Variants in WDR43 observed in about 807,000 individuals in gnomAD.
WDR43 encodes WD repeat domain 43.
WDR43 carries 13 observed loss-of-function variants against 91.4 expected under a neutral mutation model. The ratio of observed to expected loss-of-function variants is 0.14; its 90% CI spans 0.09 to 0.23. WDR43 has a LOEUF of 0.23. Ranked by LOEUF, WDR43 falls within the 10% of genes least tolerant of loss-of-function variation. WDR43 has a pLI of 1.00. For missense variants in WDR43, 780 were observed against 809.4 expected (o/e 0.96, Z 0.44); for synonymous variants, 331 against 287.9 (o/e 1.15, Z -1.51).
At chr2:28,935,166 A>G (rs1671315587) in intron 11 of WDR43, among the ~76,000 whole-genome samples, 1 of 152,194 alleles carries the variant, frequency 6.6e-6, no homozygotes, top group African/African-American at 2.4e-5. Context: ...TGCTCACTCT[A>G]GGGTGGATAC....
chr2:28,910,673 G>T (rs1366130522), intron 3 of WDR43, among the ~76,000 whole-genome samples: 1 of 85,016 alleles, frequency 1.2e-5, no homozygotes, highest in African/African-American at 3.5e-5. Context: ...GCGTGTGTGT[G>T]TGTAAATATA....
chr2:28,940,794 A>G (rs944547884), intron 14 of WDR43, among the ~76,000 whole-genome samples: 1 of 152,236 alleles, frequency 6.6e-6, no homozygotes, highest in Non-Finnish European at 1.5e-5. Flanking sequence ...TTTATTCCTC[A>G]GTGAACCTGG....
intron 11 of WDR43, among the ~76,000 whole-genome samples, chr2:28,934,514 C>G (rs1439941383): frequency 6.6e-6 from 1 of 152,178 alleles, no homozygotes; most frequent in East Asian, 1.9e-4. Context: ...AGGTTTGTTT[C>G]TTTACATACA....
At chr2:28,894,978 C>A in intron 1 of WDR43, 55 bp downstream of exon 1, 1 of 1,440,744 alleles carries the variant, frequency 6.9e-7, no homozygotes, top group South Asian at 1.4e-5. Flanking sequence ...GGCTTCGGGC[C>A]TCCGGGCCGG....
intron 6 of WDR43, among the ~76,000 whole-genome samples, chr2:28,919,388 G>A (rs1670977892): frequency 6.6e-6 from 1 of 152,220 alleles, no homozygotes; most frequent in African/African-American, 2.4e-5. Context: ...AGTAGTAGGG[G>A]CTGGGCGCTG....
chr2:28,941,954 G>C (rs1218548997), intron 15 of WDR43, among the ~76,000 whole-genome samples: 1 of 152,146 alleles, frequency 6.6e-6, no homozygotes, highest in Non-Finnish European at 1.5e-5. Flanking sequence ...AACTTGGAAA[G>C]CTTATCAGTT....
intron 12 of WDR43, among the ~76,000 whole-genome samples, chr2:28,936,547 A>G (rs1275544627): frequency 2.0e-5 from 3 of 152,184 alleles, no homozygotes; most frequent in Non-Finnish European, 4.4e-5. Flanking sequence ...CATAAAATTT[A>G]ACTCTTTTAA....
intron 5 of WDR43, among the ~76,000 whole-genome samples, chr2:28,915,906 C>G (rs1026462573): frequency 6.6e-6 from 1 of 152,162 alleles, no homozygotes; most frequent in Admixed American, 6.6e-5. Flanking sequence ...TATAATTTAT[C>G]AGATCAACTC....
At chr2:28,942,438 C>T in intron 16 of WDR43, 57 bp downstream of exon 16, 19 of 1,548,222 alleles carry the variant, frequency 1.2e-5, no homozygotes, top group Non-Finnish European at 1.7e-5. Context: ...TTTTCAGTGA[C>T]TGAGTTCTGT....
rs535091281 is a variant in WDR43, at chr2:28,923,107, T to C, written c.914+124T>C. 1.1e-5 allele frequency: 9 copies of C among 817,920 alleles called. No individual in the cohort carries two copies. The African/African-American group carries it at 1.4e-4, about 13-fold the overall frequency. 50.7% of individuals were successfully genotyped at this position (817,920 alleles called of 1,614,324 possible). A position where few individuals can be genotyped will look rare whatever the true frequency, so the allele number is the denominator to read the frequency against. On this transcript the variant is annotated intron_variant, in intron 7 of 17. Transcript: ENST00000407426. Reference sequence around the variant, plus strand: ...CAGCCAGATTATTTTGAAAGCATTTTTCTTTATCCACATGACTATATACAT... The same window carrying C: ...CAGCCAGATTATTTTGAAAGCATTTCTCTTTATCCACATGACTATATACAT...
Position 28,946,786 on chromosome 2 carries a change from C to T in WDR43, c.*7C>T. On this transcript the variant is annotated 3_prime_UTR_variant, in exon 18 of 18. Coordinates refer to ENST00000407426, the MANE Select transcript of WDR43 (RefSeq NM_015131.3). ...TGAAAGTGAAGAAGAATGAAGACAG[C>T]AAAGCAAGCCGGTCAAACTATATAA... The T allele has an allele frequency of 6.4e-7, 1 of 1,565,620 alleles. No individual in the cohort carries two copies. Among genetic ancestry groups the T allele is most frequent in the Non-Finnish European group, 8.6e-7 (1 of 1,158,708 alleles).
At chr2:28,908,216 A>G (rs1670721400) in intron 3 of WDR43, among the ~76,000 whole-genome samples, 1 of 152,236 alleles carries the variant, frequency 6.6e-6, no homozygotes, top group South Asian at 2.1e-4. Context: ...AATTATGGTC[A>G]GAAGAGATAC....
chr2:28,940,580 A>G (rs1018660265), intron 14 of WDR43, among the ~76,000 whole-genome samples: 2 of 152,232 alleles, frequency 1.3e-5, no homozygotes, highest in African/African-American at 4.8e-5. Flanking sequence ...AACCAGAGGC[A>G]GGTATTTGAA....
At chr2:28,924,729 T>C (rs934404553) in intron 7 of WDR43, among the ~76,000 whole-genome samples, 1 of 152,084 alleles carries the variant, frequency 6.6e-6, no homozygotes, top group Non-Finnish European at 1.5e-5. Flanking sequence ...TTGGGGCTTC[T>C]TGGCGGGGCC....
intron 1 of WDR43, among the ~76,000 whole-genome samples, chr2:28,896,523 ACT>A (rs1197149156): frequency 6.6e-6 from 1 of 152,154 alleles, no homozygotes; most frequent in Non-Finnish European, 1.5e-5. Context: ...AGAAACAGAA[ACT>A]CTGGGAAACT....
At chr2:28,926,261 A>G (rs1263386651) in intron 8 of WDR43, among the ~76,000 whole-genome samples, 1 of 152,210 alleles carries the variant, frequency 6.6e-6, no homozygotes, top group Admixed American at 6.5e-5. Context: ...TGTCTTCAGA[A>G]TTACCATTTT....
intron 14 of WDR43, among the ~76,000 whole-genome samples, 163 bp downstream of exon 14, chr2:28,938,157 T>C (rs573766894): frequency 1.3e-5 from 2 of 152,312 alleles, no homozygotes; most frequent in African/African-American, 2.4e-5. Flanking sequence ...TGCAATGACA[T>C]GAGCCCTTTC....
intron 1 of WDR43, 96 bp downstream of exon 1, chr2:28,895,019 C>T (rs911655167): frequency 5.5e-6 from 7 of 1,261,402 alleles, no homozygotes; most frequent in African/African-American, 3.2e-5. Flanking sequence ...GCGCGTGGCT[C>T]TCAGCGGCCC....
chr2:28,906,329 A>G, intron 2 of WDR43, 131 bp from the exon 3 acceptor site: 1 of 845,360 alleles, frequency 1.2e-6, no homozygotes, highest in South Asian at 1.9e-5. Flanking sequence ...GATCTGAAAT[A>G]TCCACGTGTG....
Sources: allele counts gnomAD v4.1 joint callset (sites outside exome capture counted in the v4.1 genomes callset), GRCh38; gene constraint gnomAD v4.1.1; transcripts MANE v1.5; gene names NCBI Gene and HGNC (gene_info 2026-07-23, HGNC 2026-07-21).